Variants in UBE2G1 observed in about 807,000 individuals in gnomAD.
The protein encoded by UBE2G1 is ubiquitin-conjugating enzyme E2 G1.
A neutral mutation model predicts 22.7 loss-of-function variants in UBE2G1; 5 were observed. That is an observed-to-expected ratio of 0.22 (90% CI 0.12 to 0.46). The LOEUF (loss-of-function observed/expected upper bound fraction) is 0.46, where lower values mean the gene tolerates loss of function less well. UBE2G1 is among the 20% of genes least tolerant of loss of function. The pLI is 0.99. For synonymous variants in UBE2G1, 74 were observed against 67.5 expected, an observed-to-expected ratio of 1.10 and a Z score of -0.47; for missense variants, 88 against 203.9, an observed-to-expected ratio of 0.43 and a Z score of 3.46.
intron 1 of UBE2G1, among the ~76,000 whole-genome samples, chr17:4,349,716 A>G (rs778999656): frequency 6.6e-6 from 1 of 150,766 alleles, no homozygotes; most frequent in Non-Finnish European, 1.5e-5. Context: ...GGTGGCATGC[A>G]CCAGTAGTCC....
At chr17:4,283,617 T>C (rs767825883) in intron 4 of UBE2G1, among the ~76,000 whole-genome samples, 16 of 152,136 alleles carry the variant, frequency 1.1e-4, no homozygotes, top group Admixed American at 2.0e-4. Flanking sequence ...TGCATCATAT[T>C]GAGATGATAC....
intron 1 of UBE2G1, among the ~76,000 whole-genome samples, chr17:4,338,145 A>G (rs1286493798): frequency 2.0e-5 from 3 of 149,378 alleles, no homozygotes; most frequent in Non-Finnish European, 4.4e-5. Context: ...ACTGCAGCCT[A>G]GGCGACAGAG....
At chr17:4,291,885 GA>G (rs915271735) in intron 3 of UBE2G1, among the ~76,000 whole-genome samples, 1 of 152,124 alleles carries the variant, frequency 6.6e-6, no homozygotes, top group Admixed American at 6.5e-5. Context: ...CCTCTTTTGT[GA>G]AATGTCTGTT....
intron 3 of UBE2G1, among the ~76,000 whole-genome samples, chr17:4,290,754 C>A (rs988283668): frequency 6.8e-6 from 1 of 146,494 alleles, no homozygotes; most frequent in African/African-American, 2.5e-5. Flanking sequence ...TAGTTGGGAC[C>A]ATAGGCACAT....
chr17:4,311,625 G>A (rs1215030410), intron 1 of UBE2G1, among the ~76,000 whole-genome samples: 1 of 152,164 alleles, frequency 6.6e-6, no homozygotes, highest in East Asian at 1.9e-4. Flanking sequence ...AATGAGGGAA[G>A]GGAGAAAGGG....
intron 1 of UBE2G1, among the ~76,000 whole-genome samples, chr17:4,312,628 G>T (rs1004147683): frequency 6.7e-6 from 1 of 149,176 alleles, no homozygotes; most frequent in Non-Finnish European, 1.5e-5. Flanking sequence ...CCTGGGAGGC[G>T]GAGCTTGCAA....
intron 1 of UBE2G1, among the ~76,000 whole-genome samples, chr17:4,339,095 T>G (rs1392384446): frequency 6.6e-6 from 1 of 152,190 alleles, no homozygotes; most frequent in East Asian, 1.9e-4. Flanking sequence ...TGAAAATTTT[T>G]CAACAACAGT....
intron 2 of UBE2G1, chr17:4,301,819 A>G (rs1969183675): frequency 3.7e-6 from 2 of 541,888 alleles, no homozygotes; most frequent in African/African-American, 3.8e-5. Context: ...GACTCCAACA[A>G]TTTAGCATGG....
At chr17:4,330,316 G>A (rs1013356373) in intron 1 of UBE2G1, among the ~76,000 whole-genome samples, 6 of 152,022 alleles carry the variant, frequency 3.9e-5, no homozygotes, top group East Asian at 3.9e-4. Flanking sequence ...TTTTCCATAC[G>A]CCACTCCAAA....
intron 1 of UBE2G1, among the ~76,000 whole-genome samples, chr17:4,359,555 T>C (rs1338341846): frequency 2.0e-5 from 3 of 152,208 alleles, no homozygotes; most frequent in African/African-American, 7.2e-5. Flanking sequence ...CCAGAATCTA[T>C]CAATGGAACA....
intron 3 of UBE2G1, among the ~76,000 whole-genome samples, chr17:4,296,271 T>C (rs1160610766): frequency 6.6e-6 from 1 of 151,728 alleles, no homozygotes; most frequent in Non-Finnish European, 1.5e-5. Flanking sequence ...TGTTTCTCCT[T>C]CTCTTTTTTG....
chr17:4,333,940 CA>C (rs559180619), intron 1 of UBE2G1, among the ~76,000 whole-genome samples: 66 of 152,222 alleles, frequency 4.3e-4, no homozygotes, highest in African/African-American at 1.5e-3. Context: ...GAATGAAGAC[CA>C]GGGGGCTTAT....
At chr17:4,273,694 T>A (rs1968786562) in intron 5 of UBE2G1, among the ~76,000 whole-genome samples, 1 of 150,060 alleles carries the variant, frequency 6.7e-6, no homozygotes, top group Admixed American at 6.7e-5. Flanking sequence ...GAGTCTTTAT[T>A]ATATTAATAT....
chr17:4,283,822 T>G (rs779352549), intron 4 of UBE2G1, among the ~76,000 whole-genome samples: 1 of 151,682 alleles, frequency 6.6e-6, no homozygotes. Flanking sequence ...AAGCTAAAAT[T>G]TGGAAATGGC....
At chr17:4,281,405 A>T (rs1968889500) in intron 5 of UBE2G1, among the ~76,000 whole-genome samples, 1 of 152,234 alleles carries the variant, frequency 6.6e-6, no homozygotes, top group Non-Finnish European at 1.5e-5. Flanking sequence ...AATATGAGAA[A>T]GGGACAGAAG....
At chr17:4,274,951 G>C (rs937319468) in intron 5 of UBE2G1, among the ~76,000 whole-genome samples, 2 of 16,888 alleles carry the variant, frequency 1.2e-4, no homozygotes, top group Non-Finnish European at 4.1e-4. Flanking sequence ...TTGAAGCTAG[G>C]AGTTCAAGGC....
intron 2 of UBE2G1, among the ~76,000 whole-genome samples, chr17:4,300,057 C>T (rs1303154963): frequency 6.8e-6 from 1 of 147,854 alleles, no homozygotes; most frequent in Non-Finnish European, 1.5e-5. Context: ...GAACTCCTGA[C>T]CTTCTGAGCC....
intron 5 of UBE2G1, among the ~76,000 whole-genome samples, chr17:4,280,893 A>G (rs1968880686): frequency 6.6e-6 from 1 of 152,146 alleles, no homozygotes; most frequent in Non-Finnish European, 1.5e-5. Context: ...TCGGCCTCCC[A>G]AAGTGCTGGG....
intron 1 of UBE2G1, among the ~76,000 whole-genome samples, chr17:4,353,795 C>T (rs997360806): frequency 1.2e-3 from 181 of 151,138 alleles, no homozygotes; most frequent in African/African-American, 4.2e-3. Flanking sequence ...CAGGCGTGAG[C>T]CACCGTGCCC....
Sources: gnomAD v4.1 joint callset for allele counts (sites outside exome capture counted in the v4.1 genomes callset) on GRCh38, gnomAD v4.1.1 for gene constraint, MANE v1.5 for transcripts, NCBI Gene and HGNC (gene_info 2026-07-23, HGNC 2026-07-21) for gene names.